HDAC5: variants seen among roughly 807,000 people sequenced by gnomAD.
HDAC5 encodes antigen NY-CO-9.
HDAC5 carries 25 observed loss-of-function variants against 133.3 expected under a neutral mutation model. The ratio of observed to expected loss-of-function variants is 0.19; its 90% CI spans 0.14 to 0.26. HDAC5 has a LOEUF of 0.26. HDAC5 is among the 10% of genes least tolerant of loss of function. The pLI is 1.00. For missense variants in HDAC5, 1,041 were observed against 1,460.5 expected (o/e 0.71, Z 4.68); for synonymous variants, 589 against 610.8 (o/e 0.96, Z 0.53).
intron 11 of HDAC5, 86 bp from the exon 12 acceptor site, chr17:44,088,684 C>A: frequency 6.6e-7 from 1 of 1,517,708 alleles, no homozygotes; most frequent in East Asian, 2.4e-5. Flanking sequence ...CCCCACAACC[C>A]CCTCTGGCAT....
chr17:44,117,285 T>C lies in HDAC5; in HGVS notation c.22+209A>G, dbSNP rs564923012. Among the ~76,000 whole-genome samples the C allele has an allele frequency of 1.1e-3, 168 of 152,160 alleles. No homozygotes were observed. Among genetic ancestry groups the C allele is most frequent in the Non-Finnish European group, 2.2e-3 (147 of 68,028 alleles). On this transcript the variant is annotated intron_variant, in intron 2 of 26. Coordinates refer to ENST00000682912, the MANE Select transcript of HDAC5 (RefSeq NM_005474.5). The surrounding 1 kb of genome is among the most constrained non-coding windows in gnomAD (Gnocchi z 4.2). ...AGCATGGGGGGCAGAGTAGGACCCA[T>C]TGCCTTCCCAGGACCAGACCGGACC...
chr17:44,111,206 C>T (rs963734431), intron 2 of HDAC5: 4 of 304,516 alleles, frequency 1.3e-5, no homozygotes, highest in Non-Finnish European at 2.6e-5. Context: ...GCTCTGGGCC[C>T]GGCTCCCTGC....
At chr17:44,116,628 AC>A (rs2052662297) in intron 2 of HDAC5, among the ~76,000 whole-genome samples, 1 of 152,034 alleles carries the variant, frequency 6.6e-6, no homozygotes, top group South Asian at 2.1e-4. Flanking sequence ...AGCAAGATGG[AC>A]CTTTAACACT....
At chr17:44,112,110 T>A (rs1394726339) in intron 2 of HDAC5, among the ~76,000 whole-genome samples, 1 of 152,134 alleles carries the variant, frequency 6.6e-6, no homozygotes, top group African/African-American at 2.4e-5. Flanking sequence ...GAGGCTCAAG[T>A]CTGAGCTCTA....
chr17:44,080,246 C>A, intron 22 of HDAC5, 21 bp from the exon 23 acceptor site: 1 of 1,598,074 alleles, frequency 6.3e-7, no homozygotes, highest in Non-Finnish European at 8.6e-7. Flanking sequence ...ATGGCTCAAG[C>A]TGAGCCCGGC....
At chr17:44,088,262 C>G (rs2050764428) in intron 12 of HDAC5, 125 bp downstream of exon 12, 2 of 1,420,954 alleles carry the variant, frequency 1.4e-6, no homozygotes. Flanking sequence ...ATCTGCCCAC[C>G]TCGGCCTCCC....
chr17:44,091,079 C>T (rs924875574), intron 11 of HDAC5, among the ~76,000 whole-genome samples, 191 bp downstream of exon 11: 5 of 152,336 alleles, frequency 3.3e-5, no homozygotes, highest in South Asian at 4.1e-4. Flanking sequence ...GGGATGTGAA[C>T]GCCAAGATGG....
At position 44,095,168 on chromosome 17, in the gene HDAC5, C is replaced by T. The variant is rs1472232950; in HGVS notation, c.95-1334G>A. ...ATGACTCATTTAAATATCACAGTTACCCTATGACTTAGATGCTATTATTAC... is the reference window on the plus strand; with the variant it reads ...ATGACTCATTTAAATATCACAGTTATCCTATGACTTAGATGCTATTATTAC... On this transcript the variant is annotated intron_variant, in intron 3 of 26. Transcript: ENST00000682912. 2.6e-5 allele frequency among the ~76,000 whole-genome samples: 4 copies of T among 152,276 alleles called. No homozygotes were observed. The East Asian group carries it at 7.7e-4, about 29-fold the overall frequency.
intron 11 of HDAC5, among the ~76,000 whole-genome samples, chr17:44,090,855 A>G (rs1377407665): frequency 6.6e-6 from 1 of 151,072 alleles, no homozygotes; most frequent in African/African-American, 2.4e-5. Flanking sequence ...ACGCCCGGCT[A>G]ATTTTTTGTA....
chr17:44,079,375 C>G, intron 23 of HDAC5, 98 bp from the exon 24 acceptor site: 1 of 1,252,800 alleles, frequency 8.0e-7, no homozygotes, highest in Admixed American at 2.2e-5. Flanking sequence ...GGCGCGGTGG[C>G]TCACGCCTGT....
chr17:44,093,507 G>A, intron 4 of HDAC5, 22 bp from the exon 5 acceptor site: 1 of 1,602,008 alleles, frequency 6.2e-7, no homozygotes, highest in Non-Finnish European at 8.5e-7. Flanking sequence ...TGGGAACGGA[G>A]GCACAAGTGA....
intron 24 of HDAC5, 70 bp downstream of exon 24, chr17:44,079,074 T>A: frequency 6.3e-7 from 1 of 1,577,890 alleles, no homozygotes; most frequent in Non-Finnish European, 8.6e-7. Context: ...GGGCTCCCAG[T>A]GCTGGCTGAC....
At chr17:44,114,446 G>T (rs558617199) in intron 2 of HDAC5, among the ~76,000 whole-genome samples, 11 of 152,304 alleles carry the variant, frequency 7.2e-5, no homozygotes, top group South Asian at 4.1e-4. Flanking sequence ...GTGGGGGGGG[G>T]GGGCTGCTGC....
At chr17:44,078,710 C>A (rs780400006) in intron 25 of HDAC5, 45 bp from the exon 26 acceptor site, 7 of 1,607,520 alleles carry the variant, frequency 4.4e-6, no homozygotes, top group Non-Finnish European at 5.9e-6. Context: ...GCAGAGGACA[C>A]CCACATGAAC....
intron 3 of HDAC5, among the ~76,000 whole-genome samples, chr17:44,094,529 C>A (rs2051136635): frequency 6.6e-6 from 1 of 151,034 alleles, no homozygotes; most frequent in Non-Finnish European, 1.5e-5. Flanking sequence ...CCCAGCTACT[C>A]AGGAGGCTGA....
intron 3 of HDAC5, among the ~76,000 whole-genome samples, chr17:44,096,615 A>G (rs1211114853): frequency 6.6e-6 from 1 of 151,742 alleles, no homozygotes; most frequent in Non-Finnish European, 1.5e-5. Flanking sequence ...CTGGGATTAC[A>G]GGCACCCGCC....
chr17:44,112,255 T>TACCC (rs965438411), intron 2 of HDAC5, among the ~76,000 whole-genome samples: 13 of 152,084 alleles, frequency 8.5e-5, no homozygotes, highest in African/African-American at 3.1e-4. Context: ...ATCCAGCCAT[T>TACCC]ACCCACCAGC....
rs191173139 is a variant in HDAC5, at chr17:44,115,529, G to A, written c.22+1965C>T. Reference sequence around the variant, plus strand: ...TAGCCCAGATGCCAGCCCAAGCTCTGGGAATAGCAGACGCTAGGCCCCTCA... The same window carrying A: ...TAGCCCAGATGCCAGCCCAAGCTCTAGGAATAGCAGACGCTAGGCCCCTCA... On this transcript the variant is annotated intron_variant, in intron 2 of 26. Transcript: ENST00000682912. 1.8e-4 allele frequency among the ~76,000 whole-genome samples: 27 copies of A among 152,328 alleles called. No individual in the cohort carries two copies. In the East Asian group the frequency reaches 5.2e-3, roughly 29 times the overall value.
intron 11 of HDAC5, among the ~76,000 whole-genome samples, chr17:44,089,796 C>A (rs1230175534): frequency 1.4e-5 from 2 of 143,358 alleles, no homozygotes; most frequent in Non-Finnish European, 3.0e-5. Flanking sequence ...TGGTGGCACA[C>A]GCCTGTAGTC....
Sources: gnomAD v4.1 joint callset for allele counts (sites outside exome capture counted in the v4.1 genomes callset) on GRCh38, gnomAD v4.1.1 for gene constraint, Gnocchi (gnomAD v3.1) non-coding constraint, MANE v1.5 for transcripts, NCBI Gene and HGNC (gene_info 2026-07-23, HGNC 2026-07-21) for gene names.